YME1L1: variants seen among roughly 807,000 people sequenced by gnomAD.
The protein encoded by YME1L1 is ATP-dependent zinc metalloprotease YME1L1.
A neutral mutation model predicts 90.4 loss-of-function variants in YME1L1; 39 were observed. That is an observed-to-expected ratio of 0.43 (90% CI 0.33 to 0.56). The LOEUF is 0.56. Among genes scored for constraint, YME1L1 ranks in the 20% least tolerant of loss-of-function variants. The probability of loss-of-function intolerance (pLI) is 0.03; values close to 1 mark genes in which losing one functional copy is unlikely to be tolerated. For synonymous variants in YME1L1, 284 were observed against 287.3 expected (o/e 0.99, Z 0.12); for missense variants, 617 against 868.4 (o/e 0.71, Z 3.64).
chr10:27,126,085 T>A (rs1390698766), intron 9 of YME1L1, among the ~76,000 whole-genome samples: 1 of 152,096 alleles, frequency 6.6e-6, no homozygotes, highest in Non-Finnish European at 1.5e-5. Context: ...TAGTTAAAAA[T>A]TTATTTATTT....
At chr10:27,141,600 C>T (rs996196315) in intron 4 of YME1L1, among the ~76,000 whole-genome samples, 43 of 109,758 alleles carry the variant, frequency 3.9e-4, no homozygotes, top group Non-Finnish European at 5.4e-4. Flanking sequence ...AGATGTCCCT[C>T]GACACACACA....
chr10:27,124,670 T>A (rs935991967), intron 9 of YME1L1, among the ~76,000 whole-genome samples: 3 of 152,206 alleles, frequency 2.0e-5, no homozygotes, highest in Admixed American at 1.3e-4. Context: ...TCTACAAATT[T>A]ATACTACTCA....
intron 8 of YME1L1, among the ~76,000 whole-genome samples, chr10:27,127,965 C>T (rs2056938095): frequency 6.6e-6 from 1 of 152,016 alleles, no homozygotes; most frequent in Admixed American, 6.6e-5. Flanking sequence ...GATATAATTC[C>T]AATTTTAAGC....
At chr10:27,133,726 C>T (rs1006891907) in intron 7 of YME1L1, among the ~76,000 whole-genome samples, 1 of 152,000 alleles carries the variant, frequency 6.6e-6, no homozygotes, top group Admixed American at 6.6e-5. Context: ...TATGAATAAA[C>T]TGAATTTGTT....
intron 2 of YME1L1, chr10:27,147,185 A>C (rs1221767967): frequency 3.5e-6 from 2 of 578,024 alleles, no homozygotes; most frequent in Non-Finnish European, 6.1e-6. Flanking sequence ...TTATAGAAGA[A>C]AATGGAGAAC....
intron 1 of YME1L1, among the ~76,000 whole-genome samples, chr10:27,151,975 C>T (rs2057225016): frequency 6.6e-6 from 1 of 151,736 alleles, no homozygotes; most frequent in South Asian, 2.1e-4. Flanking sequence ...AGATACGTAT[C>T]CCTGAGTAAT....
intron 9 of YME1L1, among the ~76,000 whole-genome samples, chr10:27,124,028 C>G (rs2135856019): frequency 6.6e-6 from 1 of 152,130 alleles, no homozygotes; most frequent in South Asian, 2.1e-4. Flanking sequence ...GACTAAACAA[C>G]CAAATGTAAT....
intron 13 of YME1L1, among the ~76,000 whole-genome samples, chr10:27,120,103 A>G (rs1040025311): frequency 1.3e-5 from 2 of 152,052 alleles, no homozygotes; most frequent in African/African-American, 4.8e-5. Flanking sequence ...CTATATCATG[A>G]GTTACTGTTT....
chr10:27,114,462 C>A, intron 18 of YME1L1, 59 bp downstream of exon 18: 1 of 1,389,782 alleles, frequency 7.2e-7, no homozygotes, highest in Non-Finnish European at 1.0e-6. Context: ...TTTTTAAGAA[C>A]CTGACTATTT....
At chr10:27,126,627 A>G (rs2056922110) in intron 9 of YME1L1, 69 bp downstream of exon 9, 2 of 796,650 alleles carry the variant, frequency 2.5e-6, no homozygotes, top group Admixed American at 7.1e-5. Flanking sequence ...TAAGTAATAT[A>G]GGTTTTTTTT....
chr10:27,139,892 G>C (rs74570216), intron 4 of YME1L1, among the ~76,000 whole-genome samples: 1 of 151,970 alleles, frequency 6.6e-6, no homozygotes, highest in Non-Finnish European at 1.5e-5. Flanking sequence ...TACTAAATTT[G>C]TTTTTGGTTT....
chr10:27,135,116 C>A (rs754019881), intron 5 of YME1L1, 135 bp from the exon 6 acceptor site: 5 of 750,110 alleles, frequency 6.7e-6, no homozygotes, highest in South Asian at 2.4e-5. Context: ...GATTAAGACT[C>A]AGCAATGAAT....
chr10:27,137,674 G>C (rs1041837213), intron 4 of YME1L1, among the ~76,000 whole-genome samples: 1 of 152,068 alleles, frequency 6.6e-6, no homozygotes, highest in Non-Finnish European at 1.5e-5. Flanking sequence ...GTTTTACTTT[G>C]CATTTCCCAG....
chr10:27,138,740 A>G (rs2057054638), intron 4 of YME1L1, among the ~76,000 whole-genome samples: 1 of 152,130 alleles, frequency 6.6e-6, no homozygotes, highest in African/African-American at 2.4e-5. Flanking sequence ...CCTGCAAATT[A>G]TAATTTTACT....
intron 8 of YME1L1, among the ~76,000 whole-genome samples, chr10:27,127,310 A>G (rs1481025712): frequency 6.6e-6 from 1 of 152,228 alleles, no homozygotes; most frequent in Non-Finnish European, 1.5e-5. Context: ...TAATGTTTTA[A>G]TCAAGTTAAT....
At chr10:27,140,999 G>A (rs2057081517) in intron 4 of YME1L1, among the ~76,000 whole-genome samples, 1 of 152,134 alleles carries the variant, frequency 6.6e-6, no homozygotes, top group Non-Finnish European at 1.5e-5. Flanking sequence ...TTTCTTTAGA[G>A]GGTTATTAGT....
At chr10:27,147,159 C>T (rs2057152591) in intron 2 of YME1L1, 1 of 520,758 alleles carries the variant, frequency 1.9e-6, no homozygotes, top group South Asian at 3.2e-5. Flanking sequence ...CTCTAAGTAA[C>T]ATGATTAGTT....
chr10:27,144,145 C>T (rs1029752431), intron 3 of YME1L1, among the ~76,000 whole-genome samples: 1 of 152,174 alleles, frequency 6.6e-6, no homozygotes, highest in Non-Finnish European at 1.5e-5. Context: ...GTATGAGGAA[C>T]AATCTTAAGA....
chr10:27,117,036 G>A (rs1163154585), intron 15 of YME1L1, among the ~76,000 whole-genome samples: 1 of 151,972 alleles, frequency 6.6e-6, no homozygotes, highest in Non-Finnish European at 1.5e-5. Flanking sequence ...GGTCATCAGG[G>A]GACTGATGAA....
Sources: gnomAD v4.1 joint callset for allele counts (sites outside exome capture counted in the v4.1 genomes callset) on GRCh38, gnomAD v4.1.1 for gene constraint, MANE v1.5 for transcripts, NCBI Gene and HGNC (gene_info 2026-07-23, HGNC 2026-07-21) for gene names.